FAT3: variants seen among roughly 807,000 people sequenced by gnomAD.
The protein encoded by FAT3 is protocadherin Fat 3.
FAT3 carries 95 observed loss-of-function variants against 310.2 expected under a neutral mutation model. That is an observed-to-expected ratio of 0.31 (90% confidence interval 0.26 to 0.36). The LOEUF is 0.36. FAT3 is among the 10% of genes least tolerant of loss of function. The probability of loss-of-function intolerance (pLI) is 1.00; values close to 1 mark genes in which losing one functional copy is unlikely to be tolerated. For synonymous variants in FAT3, 2,314 were observed against 2,192.9 expected, an observed-to-expected ratio of 1.06 and a Z score of -1.54; for missense variants, 5,408 against 5,715.6, an observed-to-expected ratio of 0.95 and a Z score of 1.74.
intron 1 of FAT3, among the ~76,000 whole-genome samples, chr11:92,226,760 G>A (rs1863924714): frequency 6.6e-6 from 1 of 152,118 alleles, no homozygotes; most frequent in Admixed American, 6.5e-5. Flanking sequence ...GCCTCGGCCG[G>A]GAGCTCCAGC....
chr11:92,461,990 T>A (rs1951649385), intron 2 of FAT3, among the ~76,000 whole-genome samples: 1 of 152,172 alleles, frequency 6.6e-6, no homozygotes, highest in Admixed American at 6.5e-5. Flanking sequence ...GGAAAGCTCT[T>A]CGCAGTATCC....
intron 2 of FAT3, among the ~76,000 whole-genome samples, chr11:92,450,635 G>A (rs981299441): frequency 4.2e-4 from 64 of 152,146 alleles, no homozygotes; most frequent in African/African-American, 1.5e-3. Context: ...ATGGGAATTT[G>A]GACCTGTATC....
intron 2 of FAT3, among the ~76,000 whole-genome samples, chr11:92,430,170 C>A (rs1186124923): frequency 6.6e-6 from 1 of 152,192 alleles, no homozygotes; most frequent in African/African-American, 2.4e-5. Context: ...ATCAATTCAG[C>A]TATTGATACT....
At chr11:92,739,876 C>T (rs1307611085) in intron 4 of FAT3, among the ~76,000 whole-genome samples, 1 of 152,186 alleles carries the variant, frequency 6.6e-6, no homozygotes, top group Non-Finnish European at 1.5e-5. Flanking sequence ...TATGAAGAGA[C>T]ATTCATTATT....
At chr11:92,814,951 GC>G (rs1177400945) in intron 13 of FAT3, among the ~76,000 whole-genome samples, 1 of 152,312 alleles carries the variant, frequency 6.6e-6, no homozygotes, top group East Asian at 1.9e-4. Context: ...GAAGATAGGA[GC>G]CAGGAAGTTG....
At chr11:92,557,864 A>G (rs1955077165) in intron 3 of FAT3, among the ~76,000 whole-genome samples, 1 of 152,224 alleles carries the variant, frequency 6.6e-6, no homozygotes, top group African/African-American at 2.4e-5. Context: ...AAAAGAGCCA[A>G]TCCTCTATTC....
chr11:92,479,128 A>C (rs936824369), intron 2 of FAT3, among the ~76,000 whole-genome samples: 6 of 149,976 alleles, frequency 4.0e-5, no homozygotes, highest in Non-Finnish European at 8.9e-5. Context: ...CAGCCTCTCT[A>C]GTAGCTGAGA....
In FAT3 at chr11:92,837,705, A is replaced by G. The variant is rs368348272; in HGVS notation, c.10267A>G (p.Ile3423Val). 1.7e-5 allele frequency: 28 copies of G among 1,613,970 alleles called. No individual in the cohort carries two copies. In the African/African-American group the frequency reaches 3.3e-4, roughly 19 times the overall value. Residue 3423 changes from isoleucine to valine, a missense_variant, in exon 17 of 28, where the codon ATT becomes GTT. Physicochemically the swap from Ile to Val is conservative, Grantham distance 29. This residue lies in a region of FAT3 where 4,588 missense variants were observed against 4,809.8 expected (regional missense o/e 0.95). Coordinates refer to ENST00000525166, the MANE Select transcript of FAT3 (RefSeq NM_001367949.2). ...GCTTGTCCAGGCCGTAGACAGTGGC[A>G]TTCCTGCAATGTCATCAACTGCAAC... ...SLLVQAVDSG[I>V]PAMSSTATVN...
intron 2 of FAT3, among the ~76,000 whole-genome samples, chr11:92,428,419 C>T (rs1384133260): frequency 6.6e-6 from 1 of 151,428 alleles, no homozygotes; most frequent in African/African-American, 2.4e-5. Context: ...TTTTCTTCTG[C>T]TAGCTTTTGT....
chr11:92,815,379 C>A (rs1048631425), intron 13 of FAT3, among the ~76,000 whole-genome samples: 4 of 152,074 alleles, frequency 2.6e-5, no homozygotes. Context: ...CGAGACCATC[C>A]TGGCTAACAC....
chr11:92,541,361 G>A (rs756407511), intron 3 of FAT3, among the ~76,000 whole-genome samples: 75 of 152,138 alleles, frequency 4.9e-4, no homozygotes, highest in Non-Finnish European at 9.0e-4. Context: ...TGTAGCAAAA[G>A]ATTCTTATAC....
intron 3 of FAT3, among the ~76,000 whole-genome samples, chr11:92,604,422 A>G (rs1940178282): frequency 6.6e-6 from 1 of 152,204 alleles, no homozygotes; most frequent in Non-Finnish European, 1.5e-5. Flanking sequence ...AAATGACACA[A>G]GGATTATCTT....
chr11:92,452,522 T>C (rs1951383017), intron 2 of FAT3, among the ~76,000 whole-genome samples: 1 of 152,062 alleles, frequency 6.6e-6, no homozygotes, highest in South Asian at 2.1e-4. Flanking sequence ...TGGTAGTTGG[T>C]AGAGAATATG....
At chr11:92,742,880 T>C (rs1157214524) in intron 4 of FAT3, among the ~76,000 whole-genome samples, 1 of 152,238 alleles carries the variant, frequency 6.6e-6, no homozygotes, top group African/African-American at 2.4e-5. Context: ...TAAATTTATG[T>C]TGAATTAAGT....
intron 4 of FAT3, among the ~76,000 whole-genome samples, chr11:92,750,742 T>G (rs935022891): frequency 3.3e-5 from 5 of 152,128 alleles, no homozygotes; most frequent in Non-Finnish European, 7.4e-5. Flanking sequence ...CCATTTTGGT[T>G]TGGTTTGGTT....
intron 3 of FAT3, among the ~76,000 whole-genome samples, chr11:92,639,521 C>A (rs1396788832): frequency 6.6e-6 from 1 of 152,066 alleles, no homozygotes; most frequent in East Asian, 1.9e-4. Flanking sequence ...CCCCCATGCC[C>A]CATCTCTCTC....
intron 4 of FAT3, among the ~76,000 whole-genome samples, chr11:92,750,489 G>GAC (rs1280921012): frequency 6.6e-6 from 1 of 152,206 alleles, no homozygotes; most frequent in East Asian, 1.9e-4. Flanking sequence ...GAGCTGAGCA[G>GAC]AGGAGCTTGG....
intron 2 of FAT3, among the ~76,000 whole-genome samples, chr11:92,375,854 A>G (rs978722966): frequency 1.1e-4 from 17 of 152,198 alleles, no homozygotes; most frequent in African/African-American, 3.6e-4. Flanking sequence ...CCTAAAAAAA[A>G]TCATAGCTAA....
At chr11:92,679,606 T>A (rs1020837799) in intron 3 of FAT3, among the ~76,000 whole-genome samples, 18 of 151,526 alleles carry the variant, frequency 1.2e-4, no homozygotes, top group Admixed American at 1.2e-3. Flanking sequence ...ACTTTGGGAG[T>A]CCGAGGTGGG....
Sources: gnomAD v4.1 joint callset for allele counts (sites outside exome capture counted in the v4.1 genomes callset) on GRCh38, gnomAD v4.1.1 for gene constraint, gnomAD v4.1.1 regional missense constraint, MANE v1.5 for transcripts, NCBI Gene and HGNC (gene_info 2026-07-23, HGNC 2026-07-21) for gene names.